CEMIP2: variants seen among roughly 807,000 people sequenced by gnomAD.
The protein encoded by CEMIP2 is cell migration inducing hyaluronidase 2, also known as cell surface hyaluronidase CEMIP2.
A neutral mutation model predicts 146.9 loss-of-function variants in CEMIP2; 79 were observed. The ratio of observed to expected loss-of-function variants is 0.54; its 90% CI spans 0.45 to 0.65. The LOEUF is 0.65. Among genes scored for constraint, CEMIP2 ranks in the 30% least tolerant of loss-of-function variants. The pLI, the probability that CEMIP2 is intolerant of heterozygous loss-of-function variation, is 0.00. For missense variants in CEMIP2, 1,596 were observed against 1,696.2 expected, an observed-to-expected ratio of 0.94 and a Z score of 1.04; for synonymous variants, 601 against 606.3, an observed-to-expected ratio of 0.99 and a Z score of 0.13.
At position 71,740,215 on chromosome 9, in the gene CEMIP2, A is replaced by C. The variant is rs2131992247; in HGVS notation, c.1052T>G (p.Val351Gly). The C allele has an allele frequency of 6.2e-7, 1 of 1,613,666 alleles. No homozygotes were observed. Among genetic ancestry groups the C allele is most frequent in the East Asian group, 2.2e-5 (1 of 44,878 alleles). Residue 351 changes from valine to glycine, a missense_variant, in exon 5 of 24, where the codon GTT becomes GGT. Transcript: ENST00000377044. ...GLGYRQAWAL[V>G]GVIDGGSTSC... ...AGTGCTTCCACCATCAATGACACCA[A>C]CTAAAGCCCAAGCTTGCCTAGAAGG...
At chr9:71,768,902 G>C (rs1215066994), upstream of CEMIP2, 1 of 139,748 alleles carries the variant, frequency 7.2e-6, no homozygotes, top group Non-Finnish European at 1.6e-5. Flanking sequence ...TGGATTGGGC[G>C]GGCGGGCGGG....
intron 21 of CEMIP2, among the ~76,000 whole-genome samples, chr9:71,693,903 A>G (rs1241689424): frequency 6.6e-6 from 1 of 152,210 alleles, no homozygotes; most frequent in Non-Finnish European, 1.5e-5. Context: ...AGGACACAAC[A>G]GTGTAACCCC....
At chr9:71,700,616 C>A (rs1369738393) in intron 19 of CEMIP2, 26 bp downstream of exon 19, 2 of 1,548,214 alleles carry the variant, frequency 1.3e-6, no homozygotes, top group Non-Finnish European at 1.7e-6. Context: ...AGGAATAATT[C>A]TCATTCCCTG....
At position 71,745,632 on chromosome 9, in the gene CEMIP2, C is replaced by T. The variant is rs1786527717; in HGVS notation, c.473-53G>A. Reference sequence around the variant, plus strand: ...ACTTCTAAATCATCTTTCTGAGATACAAGGAAATAGATTTCACCTTAAGTT... The same window carrying T: ...ACTTCTAAATCATCTTTCTGAGATATAAGGAAATAGATTTCACCTTAAGTT... On this transcript the variant is annotated intron_variant, in intron 3 of 23. Transcript: ENST00000377044. The T allele has an allele frequency of 5.4e-6, 8 of 1,487,828 alleles. No homozygotes were observed. In the Admixed American group the frequency reaches 1.1e-4, roughly 21 times the overall value. The allele number at this position is 1,487,828 out of a possible 1,614,324, so 92.2% of individuals were successfully genotyped here.
chr9:71,726,100 T>C (rs900231458), intron 10 of CEMIP2, among the ~76,000 whole-genome samples: 2 of 152,158 alleles, frequency 1.3e-5, no homozygotes, highest in Non-Finnish European at 2.9e-5. Flanking sequence ...ACCTGTTCAA[T>C]AGATGAGTCA....
At chr9:71,739,000 A>G (rs1330774411) in intron 5 of CEMIP2, among the ~76,000 whole-genome samples, 1 of 152,140 alleles carries the variant, frequency 6.6e-6, no homozygotes, top group African/African-American at 2.4e-5. Flanking sequence ...CCTGTCTCGG[A>G]TTATCTCCTA....
chr9:71,757,011 T>C (rs553640023), intron 1 of CEMIP2, among the ~76,000 whole-genome samples: 17 of 152,298 alleles, frequency 1.1e-4, no homozygotes, highest in African/African-American at 4.1e-4. Flanking sequence ...TTAAAAGGGA[T>C]TTTAGTGTTC....
chr9:71,756,529 C>CAA (rs1256786633), intron 1 of CEMIP2, among the ~76,000 whole-genome samples: 7 of 149,666 alleles, frequency 4.7e-5, no homozygotes, highest in African/African-American at 1.7e-4. Flanking sequence ...CACACACACA[C>CAA]ACACAAACAC....
chr9:71,735,508 C>G (rs537312072), intron 5 of CEMIP2, among the ~76,000 whole-genome samples: 1 of 152,176 alleles, frequency 6.6e-6, no homozygotes, highest in African/African-American at 2.4e-5. Context: ...ATTTGTGGGC[C>G]AGGCGTGGTG....
intron 1 of CEMIP2, among the ~76,000 whole-genome samples, chr9:71,750,772 G>A (rs1824229261): frequency 6.6e-6 from 1 of 150,730 alleles, no homozygotes; most frequent in Non-Finnish European, 1.5e-5. Flanking sequence ...TTAGAGACAG[G>A]GTCTCACTCT....
intron 4 of CEMIP2, among the ~76,000 whole-genome samples, chr9:71,742,256 C>T (rs1306067754): frequency 6.6e-6 from 1 of 152,166 alleles, no homozygotes; most frequent in Non-Finnish European, 1.5e-5. Flanking sequence ...TGTTTTATAC[C>T]ACTTGATAAA....
Position 71,730,738 on chromosome 9 carries a change from C to T in CEMIP2, c.1740G>A (p.Arg580=), listed in dbSNP as rs1031604304. Residue 580 remains arginine, a synonymous_variant, in exon 8 of 24, where the codon AGG becomes AGA. Coordinates refer to ENST00000377044, the MANE Select transcript of CEMIP2 (RefSeq NM_013390.3). ...CATTTGTCCCATGCACAGTGATGCACCTTGAGAAGCTGTGATGAATAGACA... is the reference window on the plus strand; with the variant it reads ...CATTTGTCCCATGCACAGTGATGCATCTTGAGAAGCTGTGATGAATAGACA... ...DGLSIHHSFS[R]CITVHGTNGL... is the part of the protein sequence containing the mutation. The T allele has an allele frequency of 6.2e-7, 1 of 1,614,184 alleles. No homozygotes were observed. The highest frequency in any genetic ancestry group is 8.5e-7 in the Non-Finnish European group (1 of 1,180,038).
rs547276864 is a variant in CEMIP2, at chr9:71,684,189, T to A, written c.*1008A>T. On this transcript the variant is annotated 3_prime_UTR_variant, in exon 24 of 24. Coordinates refer to ENST00000377044, the MANE Select transcript of CEMIP2 (RefSeq NM_013390.3). ...AGCGCTCCTTTTTTTCCTCCCTGGG[T>A]GTAATCATTTTGGGGTATCATTAAG... is the stretch of plus-strand genomic sequence containing the variant. The A allele has an allele frequency of 6.6e-6, 1 of 152,306 alleles. No homozygotes were observed. Among genetic ancestry groups the A allele is most frequent in the East Asian group, 1.9e-4 (1 of 5,172 alleles). 9.4% of individuals were successfully genotyped at this position (152,306 alleles called of 1,614,324 possible).
intron 17 of CEMIP2, 32 bp downstream of exon 17, chr9:71,709,227 G>C: frequency 6.2e-7 from 1 of 1,604,678 alleles, no homozygotes. Context: ...GAGCTGGTAG[G>C]AACTTGAGCA....
chr9:71,767,330 G>A (rs987834123), intron 1 of CEMIP2, among the ~76,000 whole-genome samples: 1 of 152,140 alleles, frequency 6.6e-6, no homozygotes, highest in Non-Finnish European at 1.5e-5. Flanking sequence ...GGGAAGAGCA[G>A]CACATCTCAA....
intron 1 of CEMIP2, among the ~76,000 whole-genome samples, chr9:71,758,160 T>A (rs921008219): frequency 2.6e-5 from 4 of 152,214 alleles, no homozygotes; most frequent in African/African-American, 9.6e-5. Context: ...ATACAGCTAT[T>A]TATGAGAAAA....
chr9:71,709,619 C>G (rs1016636465), intron 16 of CEMIP2, 145 bp from the exon 17 acceptor site: 19 of 669,922 alleles, frequency 2.8e-5, no homozygotes, highest in East Asian at 1.9e-4. Context: ...TCAGCTATGG[C>G]ACTCAAGTCA....
chr9:71,685,400 AAAAAAAAAAAAAAG>A lies in CEMIP2; in HGVS notation c.3956-21_3956-8del. 6.7e-7 allele frequency: 1 copy of A among 1,493,200 alleles called. No homozygotes were observed. Among genetic ancestry groups the A allele is most frequent in the Non-Finnish European group, 8.9e-7 (1 of 1,122,248 alleles). 92.5% of individuals were successfully genotyped at this position (1,493,200 alleles called of 1,614,324 possible). On this transcript the variant is annotated splice_region_variant and splice_polypyrimidine_tract_variant and intron_variant, in intron 23 of 23. Transcript: ENST00000377044. Reference sequence around the variant, plus strand: ...CCCAAAAATATGGTACTCCCTAAAAAAAAAAAAAAAAAAGAAAAAGAAAAAAAATCAATTTTTAT... The same window carrying A: ...CCCAAAAATATGGTACTCCCTAAAAAAAAAAGAAAAAAAATCAATTTTTAT...
chr9:71,764,487 T>C (rs976356108), intron 1 of CEMIP2, among the ~76,000 whole-genome samples: 2 of 152,184 alleles, frequency 1.3e-5, no homozygotes, highest in African/African-American at 2.4e-5. Flanking sequence ...GCTATTAATT[T>C]ACTATATGAC....
Sources: gnomAD v4.1 joint callset for allele counts (sites outside exome capture counted in the v4.1 genomes callset) on GRCh38, gnomAD v4.1.1 for gene constraint, MANE v1.5 for transcripts, NCBI Gene and HGNC (gene_info 2026-07-23, HGNC 2026-07-21) for gene names.